ARNT: variants seen among roughly 807,000 people sequenced by gnomAD.
ARNT encodes class E basic helix-loop-helix protein 2.
Under a neutral mutation model 105.0 loss-of-function variants are expected in ARNT, and 30 were observed. That is an observed-to-expected ratio of 0.29 (90% CI 0.21 to 0.39). ARNT has a LOEUF of 0.39. ARNT is among the 10% of genes least tolerant of loss of function. The pLI is 1.00. For synonymous variants in ARNT, 304 were observed against 344.0 expected, an observed-to-expected ratio of 0.88 and a Z score of 1.29; for missense variants, 748 against 978.7, an observed-to-expected ratio of 0.76 and a Z score of 3.15.
At chr1:150,839,714 G>A in intron 5 of ARNT, 60 bp from the exon 6 acceptor site, 1 of 1,517,354 alleles carries the variant, frequency 6.6e-7, no homozygotes, top group Non-Finnish European at 9.0e-7. Flanking sequence ...TTGGTAGCAG[G>A]GAGAGTGATA....
intron 8 of ARNT, among the ~76,000 whole-genome samples, chr1:150,834,234 C>T (rs892270235): frequency 1.3e-5 from 2 of 152,190 alleles, no homozygotes; most frequent in Non-Finnish European, 2.9e-5. Context: ...AGCCACTGCA[C>T]CTGGCCAAGT....
chr1:150,866,016 T>C (rs1666524646), intron 1 of ARNT, among the ~76,000 whole-genome samples: 1 of 150,886 alleles, frequency 6.6e-6, no homozygotes. Flanking sequence ...GAGTCTTCGC[T>C]CTTTTGCCCA....
chr1:150,842,281 T>G, intron 5 of ARNT, 143 bp downstream of exon 5: 1 of 1,341,880 alleles, frequency 7.5e-7, no homozygotes, highest in African/African-American at 1.5e-5. Flanking sequence ...CCTGTTACAC[T>G]CAAACTTCTA....
In ARNT at chr1:150,836,174, C is replaced by A; in HGVS notation, c.700+106G>T. ...TCATTAAAGTAGAAAATTCTTGAAG[C>A]CTTGCCAGAGTCAACAAACCAATTT... On this transcript the variant is annotated intron_variant, in intron 7 of 21. Transcript: ENST00000358595. The A allele has an allele frequency of 6.7e-6, 7 of 1,046,334 alleles. No individual in the cohort carries two copies. In the South Asian group the frequency reaches 1.2e-4, roughly 17 times the overall value. The allele number at this position is 1,046,334 out of a possible 1,614,324, so 64.8% of individuals were successfully genotyped here.
At chr1:150,815,289 C>CT in intron 19 of ARNT, among the ~76,000 whole-genome samples, 1 of 152,048 alleles carries the variant, frequency 6.6e-6, no homozygotes, top group Non-Finnish European at 1.5e-5. Flanking sequence ...TGGCTCATGC[C>CT]TGTAATCCCA....
In ARNT at chr1:150,846,982, T is replaced by C. The variant is rs1662334606; in HGVS notation, c.183-675A>G. On this transcript the variant is annotated intron_variant, in intron 3 of 21. Transcript: ENST00000358595. ...TAAGGCTGAATAATATTCCCTTGTA[T>C]GTACATACTACATTTTCTGTAACCA... Among the ~76,000 whole-genome samples the C allele has an allele frequency of 5.3e-5, 8 of 152,358 alleles. No individual in the cohort carries two copies. In the South Asian group the frequency reaches 1.7e-3, roughly 32 times the overall value.
chr1:150,866,541 G>T (rs2102415259), intron 1 of ARNT, among the ~76,000 whole-genome samples: 1 of 152,196 alleles, frequency 6.6e-6, no homozygotes, highest in African/African-American at 2.4e-5. Flanking sequence ...TGATGCCACT[G>T]GAGAGAAGGA....
At chr1:150,817,841 C>T (rs994755936) in intron 15 of ARNT, 79 bp downstream of exon 15, 4 of 1,201,628 alleles carry the variant, frequency 3.3e-6, no homozygotes, top group Non-Finnish European at 4.6e-6. Context: ...ATTAACCAAC[C>T]GAACAAAAAA....
In ARNT at chr1:150,817,840, C is replaced by T. The variant is rs899178736; in HGVS notation, c.1505+80G>A. On this transcript the variant is annotated intron_variant, in intron 15 of 21. Coordinates refer to ENST00000358595, the MANE Select transcript of ARNT (RefSeq NM_001668.4). ...AAAAAAAAAAAAAAAAATTAACCAACCGAACAAAAAATATATGGGATTGCA... is the reference window on the plus strand; with the variant it reads ...AAAAAAAAAAAAAAAAATTAACCAATCGAACAAAAAATATATGGGATTGCA... 11 of 1,139,572 alleles carry T rather than the reference C, an allele frequency of 9.7e-6. No homozygotes were observed. In the African/African-American group the frequency reaches 1.4e-4, roughly 15 times the overall value. The allele number at this position is 1,139,572 out of a possible 1,614,324, so 70.6% of individuals were successfully genotyped here.
intron 1 of ARNT, 47 bp from the exon 2 acceptor site, chr1:150,858,507 G>A (rs778746723): frequency 7.1e-7 from 1 of 1,400,846 alleles, no homozygotes; most frequent in African/African-American, 1.4e-5. Flanking sequence ...GACAGTCCTT[G>A]CTTATCATCA....
chr1:150,816,800 G>A lies in ARNT; in HGVS notation c.1790C>T (p.Ala597Val). 6.3e-7 allele frequency: 1 copy of A among 1,581,296 alleles called. No homozygotes were observed. The highest frequency in any genetic ancestry group is 8.5e-7 in the Non-Finnish European group (1 of 1,171,652). Residue 597 changes from alanine (A) to valine (V), a missense_variant, in exon 18 of 22, where the codon GCA (alanine) becomes GTA (valine). Ala to Val is a moderately conservative substitution (Grantham distance 64). This residue lies in a region of ARNT where 360 missense variants were observed against 411.9 expected (regional missense o/e 0.87). Coordinates refer to ENST00000358595, the MANE Select transcript of ARNT (RefSeq NM_001668.4). ...GNTFPPTPRP[A>V]ENFRNSGLAP... The stretch of plus-strand genomic sequence containing the variant: ...ATACGGGGCTCACCTGAAATTCTCT[G>A]CCGGCCGGGGGGTAGGAGGGAATGT...
rs999614980 is a variant in ARNT at position 150,831,872 on chromosome 1, G to A, written c.901C>T (p.Pro301Ser). Residue 301 changes from proline (P) to serine (S), a missense_variant, in exon 10 of 22, where the codon CCT becomes TCT. Physicochemically the swap from Pro to Ser is moderately conservative, Grantham distance 74. Around this residue, in one of 4 missense-constraint regions of ARNT, gnomAD observed 291 missense variants for 444.6 expected, o/e 0.65. Transcript: ENST00000358595. ...NGLGSVKDGE[P>S]HFVVVHCTGY... is the part of the protein sequence containing the mutation. ...GTGCAGTGGACCACCACGAAGTGAG[G>A]TTCCCCATCCTTTACAGAGCCAAGT... 19 of 1,594,892 alleles carry A rather than the reference G, an allele frequency of 1.2e-5. No homozygotes were observed. The highest frequency in any genetic ancestry group is 1.4e-5 in the Non-Finnish European group (17 of 1,175,198).
intron 1 of ARNT, among the ~76,000 whole-genome samples, chr1:150,870,365 C>T (rs1047400248): frequency 2.6e-5 from 4 of 152,162 alleles, no homozygotes; most frequent in Non-Finnish European, 4.4e-5. Flanking sequence ...GTGGGTTTTA[C>T]ATTCATTTTT....
chr1:150,819,814 T>C (rs1278384065), intron 14 of ARNT, among the ~76,000 whole-genome samples: 1 of 152,168 alleles, frequency 6.6e-6, no homozygotes, highest in Non-Finnish European at 1.5e-5. Context: ...AGAATTTCTT[T>C]TGGGGGAATG....
chr1:150,823,065 T>A lies in ARNT; in HGVS notation c.1394+129A>T, dbSNP rs1281824696. ...CAGAGTAGCTGGGACTACAGGCACA[T>A]GCCACCACGCCCGGCTAAATTTTTG... On this transcript the variant is annotated intron_variant, in intron 14 of 21. Coordinates refer to ENST00000358595, the MANE Select transcript of ARNT (RefSeq NM_001668.4). 3 of 899,228 alleles carry A rather than the reference T, an allele frequency of 3.3e-6. No individual in the cohort carries two copies. In the Admixed American group the frequency reaches 9.8e-5, roughly 29 times the overall value. 55.7% of individuals were successfully genotyped at this position (899,228 alleles called of 1,614,324 possible).
Position 150,834,628 on chromosome 1 carries a change from T to A in ARNT, c.713A>T (p.Asp238Val). 1.2e-6 allele frequency: 2 copies of A among 1,613,982 alleles called. No homozygotes were observed. The highest frequency in any genetic ancestry group is 1.7e-6 in the Non-Finnish European group (2 of 1,179,924). Residue 238 changes from aspartate to valine, a missense_variant, in exon 8 of 22, where the codon GAT (aspartate) becomes GTT (valine). Asp to Val is a radical substitution (Grantham distance 152). Around this residue, in one of 4 missense-constraint regions of ARNT, gnomAD observed 291 missense variants for 444.6 expected, o/e 0.65. Coordinates refer to ENST00000358595, the MANE Select transcript of ARNT (RefSeq NM_001668.4). Reference sequence around the variant, plus strand: ...CTTTTTCACTGTTCCAGTCTTTAGATCCAGGATACGCCCTGAAGGAAGATG... The same window carrying A: ...CTTTTTCACTGTTCCAGTCTTTAGAACCAGGATACGCCCTGAAGGAAGATG... ...SENALTGRILDLKTGTVKKEG... is the reference protein window; with the variant it reads ...SENALTGRILVLKTGTVKKEG...
intron 4 of ARNT, among the ~76,000 whole-genome samples, chr1:150,842,722 T>C (rs1661511856): frequency 6.6e-6 from 1 of 152,082 alleles, no homozygotes; most frequent in South Asian, 2.1e-4. Flanking sequence ...AAAAGTAACT[T>C]ACAAGATAAA....
Position 150,823,201 on chromosome 1 carries a change from T to C in ARNT, c.1387A>G (p.Asn463Asp). ...CTCCTGTATAATACATACTTCACAT[T>C]GGTGTTGGTACAGATGATGTACTCA... Reference protein sequence around the residue: ...EIEYIICTNTNVKNSSQEPRP... With the variant: ...EIEYIICTNTDVKNSSQEPRP... The change falls in exon 14 of 22, where the codon AAT becomes GAT. Residue 463 changes from asparagine (N) to aspartate (D), a missense_variant. By Grantham distance (23) the Asn-to-Asp change is conservative (BLOSUM62 1). Transcript: ENST00000358595. The C allele has an allele frequency of 3.1e-6, 5 of 1,604,826 alleles. No individual in the cohort carries two copies. Among genetic ancestry groups the C allele is most frequent in the Non-Finnish European group, 4.3e-6 (5 of 1,173,970 alleles).
intron 13 of ARNT, among the ~76,000 whole-genome samples, chr1:150,825,332 T>C (rs1657983075): frequency 6.6e-6 from 1 of 152,248 alleles, no homozygotes; most frequent in Non-Finnish European, 1.5e-5. Context: ...CCTTATTTAA[T>C]CTTCCCAACA....
Sources: gnomAD v4.1 joint callset for allele counts (sites outside exome capture counted in the v4.1 genomes callset) on GRCh38, gnomAD v4.1.1 for gene constraint, gnomAD v4.1.1 regional missense constraint, MANE v1.5 for transcripts, NCBI Gene and HGNC (gene_info 2026-07-23, HGNC 2026-07-21) for gene names.